Variants in CCDC6 observed in about 807,000 individuals in gnomAD.
The protein encoded by CCDC6 is coiled-coil domain-containing protein 6.
CCDC6 carries 20 observed loss-of-function variants against 56.6 expected under a neutral mutation model. The ratio of observed to expected loss-of-function variants is 0.35; its 90% confidence interval spans 0.25 to 0.51. The LOEUF (loss-of-function observed/expected upper bound fraction) is 0.51. CCDC6 is among the 20% of genes least tolerant of loss of function. The probability of loss-of-function intolerance (pLI) is 0.95; values close to 1 mark genes in which losing one functional copy is unlikely to be tolerated. For missense variants in CCDC6, 367 were observed against 601.1 expected, an observed-to-expected ratio of 0.61 and a Z score of 4.07; for synonymous variants, 241 against 234.4, an observed-to-expected ratio of 1.03 and a Z score of -0.26.
At chr10:59,862,462 T>C (rs76367794) in intron 1 of CCDC6, among the ~76,000 whole-genome samples, 26,720 of 147,472 alleles carry the variant, frequency 0.18, 3,179 homozygotes, top group Middle Eastern at 0.27. Context: ...CACTCCAGTA[T>C]GGGTGACAGA....
chr10:59,822,890 CTATGCT>C lies in CCDC6; in HGVS notation c.583-8141_583-8136del, dbSNP rs563038890. ...ACCCATGGCCCTGTCCCACCCCACCCTATGCTTATAAAAAAAAAACAACCCCAGACT... is the reference window on the plus strand; with the variant it reads ...ACCCATGGCCCTGTCCCACCCCACCCTATAAAAAAAAAACAACCCCAGACT... On this transcript the variant is annotated intron_variant, in intron 3 of 8. Transcript: ENST00000263102. 1.0e-3 allele frequency among the ~76,000 whole-genome samples: 143 copies of C among 140,972 alleles called. 1 individual carries two copies. The highest frequency in any genetic ancestry group is 1.8e-3 in the Non-Finnish European group (112 of 63,808). 92.5% of individuals were successfully genotyped at this position (140,972 alleles called of 152,430 possible). A position where few individuals can be genotyped will look rare whatever the true frequency, so the allele number is the denominator to read the frequency against.
intron 1 of CCDC6, among the ~76,000 whole-genome samples, chr10:59,858,625 A>C (rs1417260381): frequency 6.6e-6 from 1 of 152,206 alleles, no homozygotes; most frequent in Non-Finnish European, 1.5e-5. Flanking sequence ...GTGGACAGAC[A>C]CATGTCCTTC....
At chr10:59,862,797 CGT>C (rs942358668) in intron 1 of CCDC6, among the ~76,000 whole-genome samples, 1 of 151,844 alleles carries the variant, frequency 6.6e-6, no homozygotes, top group Non-Finnish European at 1.5e-5. Flanking sequence ...TCTTATATAA[CGT>C]ATATGGCAGT....
chr10:59,800,612 GT>G (rs34676439), intron 7 of CCDC6, among the ~76,000 whole-genome samples: 248 of 145,140 alleles, frequency 1.7e-3, no homozygotes, highest in East Asian at 4.3e-3. Flanking sequence ...TTGTATTAAA[GT>G]TTTTTTTTTT....
At chr10:59,801,513 C>T (rs1326903783) in intron 7 of CCDC6, among the ~76,000 whole-genome samples, 2 of 152,156 alleles carry the variant, frequency 1.3e-5, no homozygotes, top group Non-Finnish European at 2.9e-5. Context: ...ATTTTCTTTC[C>T]ACTTTTCTGG....
At chr10:59,818,449 T>C (rs556742429) in intron 3 of CCDC6, among the ~76,000 whole-genome samples, 3 of 136,208 alleles carry the variant, frequency 2.2e-5, no homozygotes, top group East Asian at 5.0e-4. Flanking sequence ...GATTCTCAAG[T>C]ACAGTAGGTC....
intron 3 of CCDC6, among the ~76,000 whole-genome samples, chr10:59,825,908 C>A (rs2132639883): frequency 6.6e-6 from 1 of 152,230 alleles, no homozygotes; most frequent in East Asian, 1.9e-4. Context: ...AAAATTTTGT[C>A]CTGAGGATTC....
intron 1 of CCDC6, among the ~76,000 whole-genome samples, chr10:59,900,999 A>C (rs1347858583): frequency 1.3e-5 from 2 of 152,222 alleles, no homozygotes; most frequent in Non-Finnish European, 2.9e-5. Flanking sequence ...CAGAGGTTGC[A>C]GTGAACTGAG....
intron 2 of CCDC6, among the ~76,000 whole-genome samples, chr10:59,834,627 T>C (rs1267140993): frequency 3.3e-5 from 5 of 151,972 alleles, no homozygotes; most frequent in African/African-American, 9.7e-5. Context: ...ACTGGAAATA[T>C]TGACTAAATA....
At chr10:59,807,230 A>T (rs1411031531) in intron 5 of CCDC6, 152 bp from the exon 6 acceptor site, 2 of 675,008 alleles carry the variant, frequency 3.0e-6, no homozygotes, top group Admixed American at 5.8e-5. Context: ...CACACTTGTA[A>T]TCCTGGCACT....
intron 1 of CCDC6, among the ~76,000 whole-genome samples, chr10:59,894,574 G>GA (rs1365457359): frequency 1.3e-5 from 2 of 149,752 alleles, no homozygotes; most frequent in East Asian, 2.0e-4. Context: ...CATGTTTGTT[G>GA]AAAAAAATAA....
At chr10:59,818,748 A>G (rs187876370) in intron 3 of CCDC6, among the ~76,000 whole-genome samples, 1 of 152,226 alleles carries the variant, frequency 6.6e-6, no homozygotes, top group East Asian at 1.9e-4. Context: ...GGCTCCAGCC[A>G]CCCTTGATCT....
chr10:59,883,170 A>G (rs557892224), intron 1 of CCDC6, among the ~76,000 whole-genome samples: 44 of 152,144 alleles, frequency 2.9e-4, no homozygotes, highest in Non-Finnish European at 5.4e-4. Flanking sequence ...TGTTCCATCA[A>G]TGGACTCTGA....
At chr10:59,822,869 A>T (rs1023322105) in intron 3 of CCDC6, among the ~76,000 whole-genome samples, 1 of 150,956 alleles carries the variant, frequency 6.6e-6, no homozygotes, top group Admixed American at 6.6e-5. Context: ...TAAACCACCC[A>T]TGGCCCTGTC....
rs552385168 is a variant in CCDC6, at chr10:59,889,315, G to A, written c.303+16807C>T. Among the ~76,000 whole-genome samples, 5 of 152,328 alleles carry A rather than the reference G, an allele frequency of 3.3e-5. 1 individual carries two copies. In the South Asian group the frequency reaches 1.0e-3, roughly 32 times the overall value. On this transcript the variant is annotated intron_variant, in intron 1 of 8. Transcript: ENST00000263102. ...GGGCTTCTGAGGCAGGAGGAAGATG[G>A]ATAGGAAAGACCTCAAACATCAATC...
At chr10:59,881,742 C>G (rs2071336931) in intron 1 of CCDC6, among the ~76,000 whole-genome samples, 1 of 152,082 alleles carries the variant, frequency 6.6e-6, no homozygotes, top group South Asian at 2.1e-4. Flanking sequence ...TTTGTTGCCC[C>G]AAAACTGAGG....
intron 5 of CCDC6, 82 bp from the exon 6 acceptor site, chr10:59,807,160 C>A: frequency 8.0e-7 from 1 of 1,256,418 alleles, no homozygotes; most frequent in African/African-American, 1.5e-5. Context: ...CAGTTCAGCC[C>A]CTATGCCATA....
At chr10:59,854,813 T>C (rs2071067875) in intron 1 of CCDC6, among the ~76,000 whole-genome samples, 1 of 152,360 alleles carries the variant, frequency 6.6e-6, no homozygotes, top group Non-Finnish European at 1.5e-5. Context: ...TCCAAGCTAC[T>C]TGTTTTTCTG....
chr10:59,801,403 G>A (rs1401529697), intron 7 of CCDC6, among the ~76,000 whole-genome samples: 2 of 152,232 alleles, frequency 1.3e-5, no homozygotes, highest in Non-Finnish European at 1.5e-5. Flanking sequence ...GCTGCCGGTC[G>A]CCATCACTGA....
Sources: allele counts gnomAD v4.1 joint callset (sites outside exome capture counted in the v4.1 genomes callset), GRCh38; gene constraint gnomAD v4.1.1; transcripts MANE v1.5; gene names NCBI Gene and HGNC (gene_info 2026-07-23, HGNC 2026-07-21).